The following LRRTM4 variants were observed in gnomAD, a reference collection of about 807,000 sequenced individuals.
LRRTM4 encodes the protein leucine-rich repeat transmembrane neuronal protein 4.
LRRTM4 carries 25 observed loss-of-function variants against 47.6 expected under a neutral mutation model. The observed-to-expected ratio is 0.53, with a 90% CI of 0.38 to 0.73. LRRTM4 has a LOEUF of 0.73. Ranked by LOEUF, LRRTM4 falls within the 30% of genes least tolerant of loss-of-function variation. LRRTM4 has a pLI of 0.00. For synonymous variants in LRRTM4, 311 were observed against 269.5 expected (o/e 1.15, Z -1.51); for missense variants, 638 against 713.4 (o/e 0.89, Z 1.20).
chr2:77,518,642 C>T lies in LRRTM4; in HGVS notation c.1227G>A (p.Gln409=), dbSNP rs1679332835. ...FETPSPSPGF[Q]IPGAEQEYEH... Reference sequence around the variant, plus strand: ...CATACTCTTGCTCTGCGCCAGGAATCTGAAACCCTGGGGAAGGGCTTGGTG... The same window carrying T: ...CATACTCTTGCTCTGCGCCAGGAATTTGAAACCCTGGGGAAGGGCTTGGTG... The change falls in exon 3 of 4, where the codon CAG becomes CAA. Residue 409 remains glutamine (Q), a synonymous_variant. Transcript: ENST00000409884. The T allele has an allele frequency of 1.9e-6, 3 of 1,613,422 alleles. No homozygotes were observed. The East Asian group carries it at 6.7e-5, about 36-fold the overall frequency.
At chr2:77,507,317 G>C (rs1678813170) in intron 3 of LRRTM4, among the ~76,000 whole-genome samples, 1 of 152,010 alleles carries the variant, frequency 6.6e-6, no homozygotes, top group Non-Finnish European at 1.5e-5. Flanking sequence ...TAAATTTTTA[G>C]TAAAAAACTC....
At chr2:77,076,596 A>C (rs72807221) in intron 3 of LRRTM4, among the ~76,000 whole-genome samples, 28,611 of 151,988 alleles carry the variant, frequency 0.19, 2,762 homozygotes, top group African/African-American at 0.24. Context: ...GAATAGTATT[A>C]ATTCTTTCTG....
At chr2:77,252,607 GA>G (rs1383573126) in intron 3 of LRRTM4, among the ~76,000 whole-genome samples, 3 of 151,884 alleles carry the variant, frequency 2.0e-5, no homozygotes, top group Non-Finnish European at 4.4e-5. Flanking sequence ...AAACCAAAAC[GA>G]ACCCAATCTT....
chr2:76,771,054 T>A (rs1013414231), intron 3 of LRRTM4, among the ~76,000 whole-genome samples: 1 of 152,220 alleles, frequency 6.6e-6, no homozygotes, highest in African/African-American at 2.4e-5. Flanking sequence ...TTTAATGATG[T>A]TATTCCTAGC....
At position 77,239,077 on chromosome 2, in the gene LRRTM4, T is replaced by C. The variant is rs771796134; in HGVS notation, c.1551+279241A>G. On this transcript the variant is annotated intron_variant, in intron 3 of 3. Transcript: ENST00000409884. ...TGAACTAAAGAAAGAGATTTAGAAATGGTCAAAATAGAAATAATTGAGCAA... is the reference window on the plus strand; with the variant it reads ...TGAACTAAAGAAAGAGATTTAGAAACGGTCAAAATAGAAATAATTGAGCAA... Among the ~76,000 whole-genome samples the C allele has an allele frequency of 2.0e-5, 3 of 151,744 alleles. No homozygotes were observed. The South Asian group carries it at 6.2e-4, about 31-fold the overall frequency.
At chr2:76,828,209 C>T (rs1258495606) in intron 3 of LRRTM4, among the ~76,000 whole-genome samples, 1 of 151,864 alleles carries the variant, frequency 6.6e-6, no homozygotes, top group Non-Finnish European at 1.5e-5. Flanking sequence ...CCTAAGCATG[C>T]CGTTTAGGGC....
intron 3 of LRRTM4, among the ~76,000 whole-genome samples, chr2:77,314,368 A>C (rs1677558463): frequency 6.6e-6 from 1 of 152,230 alleles, no homozygotes; most frequent in Admixed American, 6.5e-5. Flanking sequence ...AATAATTAAC[A>C]AAAATAATAA....
intron 3 of LRRTM4, among the ~76,000 whole-genome samples, chr2:76,988,352 G>A (rs1676877389): frequency 6.6e-6 from 1 of 151,918 alleles, no homozygotes; most frequent in African/African-American, 2.4e-5. Flanking sequence ...CATGGTACAT[G>A]TTCCACTAAA....
chr2:76,930,068 G>C (rs1255261408), intron 3 of LRRTM4, among the ~76,000 whole-genome samples: 1 of 151,994 alleles, frequency 6.6e-6, no homozygotes, highest in East Asian at 1.9e-4. Flanking sequence ...AGAAAGATTG[G>C]AGATCAGTAT....
At chr2:77,376,556 A>T (rs139569464) in intron 3 of LRRTM4, among the ~76,000 whole-genome samples, 2 of 151,594 alleles carry the variant, frequency 1.3e-5, no homozygotes, top group Non-Finnish European at 3.0e-5. Flanking sequence ...TTTGAGAAAA[A>T]AATGGTCAGT....
intron 3 of LRRTM4, among the ~76,000 whole-genome samples, chr2:77,073,203 G>C (rs987885616): frequency 6.6e-6 from 1 of 151,344 alleles, no homozygotes; most frequent in African/African-American, 2.4e-5. Flanking sequence ...GTATGTTATA[G>C]TTTACATATT....
rs927564895 is a variant in LRRTM4, at chr2:76,924,784, A to C, written c.1552-175868T>G. On this transcript the variant is annotated intron_variant, in intron 3 of 3. Transcript: ENST00000409884. ...GACACACACGCAGACACACACACAC[A>C]CCCCTCAAATATCTACCACCTGCCT... Among the ~76,000 whole-genome samples, 6 of 151,796 alleles carry C rather than the reference A, an allele frequency of 4.0e-5. No individual in the cohort carries two copies. The South Asian group carries it at 6.2e-4, about 16-fold the overall frequency.
chr2:76,753,980 C>T (rs565241037), intron 3 of LRRTM4, among the ~76,000 whole-genome samples: 30 of 152,204 alleles, frequency 2.0e-4, no homozygotes, highest in South Asian at 1.9e-3. Context: ...TAACTTTTCA[C>T]GAACATTGTT....
chr2:77,424,632 A>G (rs1675035718), intron 3 of LRRTM4, among the ~76,000 whole-genome samples: 2 of 152,194 alleles, frequency 1.3e-5, no homozygotes, highest in African/African-American at 4.8e-5. Flanking sequence ...GCGAAGGACA[A>G]TTTCCAGAAA....
At chr2:77,238,749 AG>A (rs1180350053) in intron 3 of LRRTM4, among the ~76,000 whole-genome samples, 3 of 152,146 alleles carry the variant, frequency 2.0e-5, no homozygotes, top group Admixed American at 2.0e-4. Context: ...TAAGAATTAG[AG>A]GAAACTTCTC....
chr2:76,879,297 T>C (rs1672862824), intron 3 of LRRTM4, among the ~76,000 whole-genome samples: 1 of 152,142 alleles, frequency 6.6e-6, no homozygotes, highest in Non-Finnish European at 1.5e-5. Flanking sequence ...CCGGAAAGGG[T>C]GACTCTCTTG....
intron 3 of LRRTM4, among the ~76,000 whole-genome samples, chr2:76,780,704 A>G (rs532625072): frequency 2.0e-5 from 3 of 152,174 alleles, no homozygotes; most frequent in South Asian, 2.1e-4. Context: ...TTTGGTTTCA[A>G]TGTCCTCCCG....
intron 3 of LRRTM4, among the ~76,000 whole-genome samples, chr2:77,083,572 G>T (rs954697895): frequency 6.6e-6 from 1 of 151,984 alleles, no homozygotes; most frequent in African/African-American, 2.4e-5. Context: ...CAGATACTGT[G>T]TCTGAATATT....
chr2:76,897,500 A>T (rs780342827), intron 3 of LRRTM4, among the ~76,000 whole-genome samples: 1 of 152,148 alleles, frequency 6.6e-6, no homozygotes, highest in Non-Finnish European at 1.5e-5. Context: ...TGTTATGACA[A>T]ATGTGCCTTT....
Sources: allele counts gnomAD v4.1 joint callset (sites outside exome capture counted in the v4.1 genomes callset), GRCh38; gene constraint gnomAD v4.1.1; transcripts MANE v1.5; gene names NCBI Gene and HGNC (gene_info 2026-07-23, HGNC 2026-07-21).